The following KLC1 variants were observed in gnomAD, a reference collection of about 807,000 sequenced individuals.
KLC1 encodes the protein kinesin light chain 1.
In KLC1, 30 loss-of-function variants were observed where a neutral mutation model predicts 84.2. That is an observed-to-expected ratio of 0.36 (90% CI 0.27 to 0.48). The LOEUF is 0.48. KLC1 is among the 20% of genes least tolerant of loss of function. The pLI, the probability that KLC1 is intolerant of heterozygous loss-of-function variation, is 0.99. For synonymous variants in KLC1, 289 were observed against 293.3 expected (o/e 0.99, Z 0.15); for missense variants, 499 against 805.4 (o/e 0.62, Z 4.60).
At chr14:103,700,129 A>C (rs1056403280) in intron 15 of KLC1, 1 of 205,710 alleles carries the variant, frequency 4.9e-6, no homozygotes, top group Non-Finnish European at 1.0e-5. Flanking sequence ...TGCCTCTGCC[A>C]AGGCGTGGGG....
intron 11 of KLC1, 37 bp from the exon 12 acceptor site, chr14:103,677,378 T>C: frequency 2.5e-6 from 3 of 1,223,370 alleles, no homozygotes; most frequent in Non-Finnish European, 3.6e-6. Flanking sequence ...TCAGAGCTTA[T>C]ATGTCATAGT....
chr14:103,674,471 A>C (rs10147588), intron 9 of KLC1, among the ~76,000 whole-genome samples: 1 of 151,508 alleles, frequency 6.6e-6, no homozygotes, highest in Admixed American at 6.6e-5. Context: ...CTGGAGTGCA[A>C]TGATGTGATC....
chr14:103,671,374 G>T (rs1224323583), intron 7 of KLC1, among the ~76,000 whole-genome samples: 6 of 147,466 alleles, frequency 4.1e-5, no homozygotes, highest in East Asian at 2.0e-4. Context: ...CACAAATTGT[G>T]TTTTTTTTTT....
chr14:103,670,249 C>T lies in KLC1; in HGVS notation c.953C>T (p.Pro318Leu). The change falls in exon 7 of 17, where the codon CCG (proline) becomes CTG (leucine). Residue 318 changes from proline (P) to leucine (L), a missense_variant. By Grantham distance (98) the Pro-to-Leu change is moderately conservative. Around this residue, in one of 3 missense-constraint regions of KLC1, gnomAD observed 153 missense variants for 332.4 expected, o/e 0.46. Transcript: ENST00000334553. Reference sequence around the variant, plus strand: ...AGAGGGAAGTACAAAGAAGCAGAGCCGTTGTGTAAAAGAGCTCTGGAAATC... The same window carrying T: ...AGAGGGAAGTACAAAGAAGCAGAGCTGTTGTGTAAAAGAGCTCTGGAAATC... ...GKRGKYKEAEPLCKRALEIRE... is the reference protein window; with the variant it reads ...GKRGKYKEAELLCKRALEIRE... The T allele has an allele frequency of 2.5e-6, 4 of 1,611,952 alleles. No individual in the cohort carries two copies. Among genetic ancestry groups the T allele is most frequent in the South Asian group, 1.1e-5 (1 of 90,934 alleles).
chr14:103,680,860 G>A (rs1176011854), intron 13 of KLC1, among the ~76,000 whole-genome samples: 2 of 152,238 alleles, frequency 1.3e-5, no homozygotes, highest in East Asian at 3.8e-4. Flanking sequence ...TCTGGAGGAA[G>A]TTTCTCTTGA....
intron 1 of KLC1, among the ~76,000 whole-genome samples, chr14:103,633,963 G>A (rs1267348574): frequency 1.3e-5 from 2 of 152,118 alleles, no homozygotes; most frequent in Non-Finnish European, 2.9e-5. Flanking sequence ...CTGCCTCCCG[G>A]GTTCAAGCCA....
chr14:103,650,765 A>G (rs12888764), intron 1 of KLC1, among the ~76,000 whole-genome samples: 312 of 151,752 alleles, frequency 2.1e-3, no homozygotes, highest in Admixed American at 7.9e-3. Flanking sequence ...TTTTTAGTAG[A>G]GACGGGGTTT....
At chr14:103,685,692 G>T (rs976629227) in intron 13 of KLC1, 2 of 1,289,456 alleles carry the variant, frequency 1.6e-6, no homozygotes, top group Non-Finnish European at 2.0e-6. Context: ...GGCGCCTCCC[G>T]CAGCTTCCCT....
At chr14:103,654,952 C>A in intron 2 of KLC1, 127 bp downstream of exon 2, 1 of 1,091,086 alleles carries the variant, frequency 9.2e-7, no homozygotes, top group South Asian at 1.6e-5. Context: ...AGGCCGAGTG[C>A]GGTGTGGCTC....
intron 1 of KLC1, among the ~76,000 whole-genome samples, chr14:103,653,678 C>T (rs975769320): frequency 1.3e-5 from 2 of 152,184 alleles, no homozygotes; most frequent in East Asian, 1.9e-4. Flanking sequence ...CTTAATGAAT[C>T]GTGAGATTTT....
At chr14:103,660,450 C>T (rs2079178826) in intron 3 of KLC1, among the ~76,000 whole-genome samples, 1 of 147,562 alleles carries the variant, frequency 6.8e-6, no homozygotes, top group African/African-American at 2.5e-5. Context: ...CACCGCACTC[C>T]AGTCTAGATG....
intron 11 of KLC1, among the ~76,000 whole-genome samples, chr14:103,676,259 CTG>C (rs2080865459): frequency 6.6e-6 from 1 of 152,106 alleles, no homozygotes; most frequent in African/African-American, 2.4e-5. Flanking sequence ...ACCTGTTTGG[CTG>C]TCTTTCCACT....
Position 103,657,836 on chromosome 14 carries a change from A to T in KLC1, c.492+60A>T, listed in dbSNP as rs1184063188. ...TTAAAATGGAGTCACTGGGAAAGTCATAGAGGTTCTGTTTGCCATATTCTT... is the reference window on the plus strand; with the variant it reads ...TTAAAATGGAGTCACTGGGAAAGTCTTAGAGGTTCTGTTTGCCATATTCTT... On this transcript the variant is annotated intron_variant, in intron 3 of 16. Coordinates refer to ENST00000334553, the MANE Select transcript of KLC1 (RefSeq NM_001394837.1). 5 of 1,225,278 alleles carry T rather than the reference A, an allele frequency of 4.1e-6. No individual in the cohort carries two copies. The East Asian group carries it at 9.8e-5, about 24-fold the overall frequency. 75.9% of individuals were successfully genotyped at this position (1,225,278 alleles called of 1,614,324 possible). A position where few individuals can be genotyped will look rare whatever the true frequency, so the allele number is the denominator to read the frequency against.
intron 15 of KLC1, chr14:103,696,935 TC>T: frequency 1.0e-6 from 1 of 985,206 alleles, no homozygotes; most frequent in Non-Finnish European, 1.2e-6. Context: ...TGGTGGGAGT[TC>T]CCTGGGACGG....
chr14:103,667,960 C>A (rs1043210753), intron 5 of KLC1, among the ~76,000 whole-genome samples: 1 of 152,218 alleles, frequency 6.6e-6, no homozygotes, highest in Non-Finnish European at 1.5e-5. Context: ...TTACTCCAAT[C>A]AAGAAAGATT....
intron 1 of KLC1, among the ~76,000 whole-genome samples, chr14:103,631,499 A>G (rs2076685424): frequency 2.0e-5 from 3 of 152,262 alleles, no homozygotes; most frequent in Non-Finnish European, 4.4e-5. Context: ...CTTGTATAAA[A>G]AGAAACCTAG....
At chr14:103,636,784 G>A (rs556702932) in intron 1 of KLC1, among the ~76,000 whole-genome samples, 27 of 150,996 alleles carry the variant, frequency 1.8e-4, no homozygotes, top group African/African-American at 6.6e-4. Context: ...GTGCAGTGGC[G>A]CGATCTCGGC....
intron 15 of KLC1, chr14:103,699,885 C>T (rs1391376285): frequency 4.6e-6 from 2 of 432,844 alleles, no homozygotes; most frequent in African/African-American, 2.0e-5. Context: ...TGCGCAGGCT[C>T]CTGAGTCCTT....
chr14:103,689,296 C>T (rs530445274), intron 14 of KLC1, among the ~76,000 whole-genome samples: 3 of 152,278 alleles, frequency 2.0e-5, no homozygotes, highest in Admixed American at 6.5e-5. Context: ...CAGAGTTGTT[C>T]TGTTTTCTCG....
Sources: gnomAD v4.1 joint callset for allele counts (sites outside exome capture counted in the v4.1 genomes callset) on GRCh38, gnomAD v4.1.1 for gene constraint, gnomAD v4.1.1 regional missense constraint, MANE v1.5 for transcripts, NCBI Gene and HGNC (gene_info 2026-07-23, HGNC 2026-07-21) for gene names.